MTMR7: variants seen among roughly 807,000 people sequenced by gnomAD.
MTMR7 encodes phosphatidylinositol-3-phosphate phosphatase MTMR7.
A neutral mutation model predicts 81.2 loss-of-function variants in MTMR7; 76 were observed. That is an observed-to-expected ratio of 0.94 (90% CI 0.78 to 1.13). The LOEUF (loss-of-function observed/expected upper bound fraction) is 1.13. Among genes scored for constraint, MTMR7 ranks in the 50% most tolerant of loss-of-function variants. MTMR7 has a pLI of 0.00. For synonymous variants in MTMR7, 372 were observed against 289.8 expected (o/e 1.28, Z -2.88); for missense variants, 1,044 against 820.0 (o/e 1.27, Z -3.34).
At chr8:17,364,019 T>TGA (rs1563359290) in intron 3 of MTMR7, among the ~76,000 whole-genome samples, 9 of 102,252 alleles carry the variant, frequency 8.8e-5, no homozygotes, top group Admixed American at 4.7e-4. Context: ...AGTGTTGCTA[T>TGA]TATTTTTTTT....
chr8:17,376,828 G>A (rs1260807806), intron 1 of MTMR7, among the ~76,000 whole-genome samples: 3 of 152,034 alleles, frequency 2.0e-5, no homozygotes, highest in Admixed American at 6.6e-5. Context: ...AAAATCAGAA[G>A]TGAAAGTTAT....
At chr8:17,343,028 C>G (rs1197098326) in intron 5 of MTMR7, among the ~76,000 whole-genome samples, 1 of 152,098 alleles carries the variant, frequency 6.6e-6, no homozygotes, top group African/African-American at 2.4e-5. Context: ...GTCCTGTTTC[C>G]TTTAATCTTT....
At chr8:17,364,721 T>C (rs1820172504) in intron 3 of MTMR7, among the ~76,000 whole-genome samples, 1 of 152,222 alleles carries the variant, frequency 6.6e-6, no homozygotes, top group African/African-American at 2.4e-5. Context: ...TCTAATTCCA[T>C]CCATGTTGTC....
intron 10 of MTMR7, among the ~76,000 whole-genome samples, chr8:17,308,618 C>T (rs777025643): frequency 1.3e-5 from 2 of 152,296 alleles, no homozygotes; most frequent in African/African-American, 2.4e-5. Context: ...CTAAGTACAG[C>T]TATACCATTT....
chr8:17,402,874 G>A (rs925103713), intron 1 of MTMR7, among the ~76,000 whole-genome samples: 1 of 152,164 alleles, frequency 6.6e-6, no homozygotes, highest in Non-Finnish European at 1.5e-5. Context: ...CAGTGCATGA[G>A]AGTTCCCTTT....
At chr8:17,334,976 C>A (rs1015351045) in intron 6 of MTMR7, among the ~76,000 whole-genome samples, 7 of 152,186 alleles carry the variant, frequency 4.6e-5, no homozygotes, top group African/African-American at 1.7e-4. Context: ...TCCTGTGTGG[C>A]AGCTACAGCA....
chr8:17,413,345 C>T lies in MTMR7; in HGVS notation c.-53G>A, dbSNP rs1275688158. The T allele has an allele frequency of 1.1e-5, 16 of 1,501,780 alleles. No homozygotes were observed. Among genetic ancestry groups the T allele is most frequent in the Middle Eastern group, 3.7e-4 (2 of 5,462 alleles). 93.0% of individuals were successfully genotyped at this position (1,501,780 alleles called of 1,614,324 possible). A position where few individuals can be genotyped will look rare whatever the true frequency, so the allele number is the denominator to read the frequency against. On this transcript the variant is annotated 5_prime_UTR_variant, in exon 1 of 14. Transcript: ENST00000180173. ...GCGGGCGCGGCCTCACGCACCTGCG[C>T]GCCTCTGCGGCGCGATGGGAGGGGC...
intron 6 of MTMR7, among the ~76,000 whole-genome samples, chr8:17,336,792 T>C (rs1001278961): frequency 6.6e-6 from 1 of 151,750 alleles, no homozygotes; most frequent in African/African-American, 2.4e-5. Flanking sequence ...TGCTGGGAGG[T>C]TCTCTGGCCT....
intron 1 of MTMR7, among the ~76,000 whole-genome samples, chr8:17,401,717 G>A (rs1437998906): frequency 6.6e-6 from 1 of 151,974 alleles, no homozygotes; most frequent in Non-Finnish European, 1.5e-5. Context: ...AGGAGTGAAG[G>A]GTAACTCCAA....
rs775440579 is a variant in MTMR7 at position 17,331,248 on chromosome 8, C to G, written c.767G>C (p.Gly256Ala). ...GGAATAATTGTCTTCATTCTCATAG[C>G]CTTTCCCTGCAGCACGATTTGCCAT... ...NAMANRAAGK[G>A]YENEDNYSNI... Residue 256 changes from glycine (G) to alanine (A), a missense_variant, in exon 7 of 14, where the codon GGC becomes GCC. Coordinates refer to ENST00000180173, the MANE Select transcript of MTMR7 (RefSeq NM_004686.5). 4.3e-6 allele frequency: 7 copies of G among 1,611,240 alleles called. No individual in the cohort carries two copies. Among genetic ancestry groups the G allele is most frequent in the Non-Finnish European group, 5.1e-6 (6 of 1,179,150 alleles).
chr8:17,321,650 A>T (rs1818394101), intron 7 of MTMR7, among the ~76,000 whole-genome samples: 1 of 152,232 alleles, frequency 6.6e-6, no homozygotes, highest in African/African-American at 2.4e-5. Context: ...TAAGGCAGAA[A>T]TACTTATTTG....
At chr8:17,352,366 G>A (rs1025076933) in intron 4 of MTMR7, among the ~76,000 whole-genome samples, 28 of 152,004 alleles carry the variant, frequency 1.8e-4, no homozygotes, top group African/African-American at 6.5e-4. Context: ...TCAACAGATG[G>A]TACTGGGAAA....
At chr8:17,309,201 C>A in intron 10 of MTMR7, 76 bp downstream of exon 10, 1 of 1,018,238 alleles carries the variant, frequency 9.8e-7, no homozygotes, top group Non-Finnish European at 1.5e-6. Flanking sequence ...ACGATTTTCC[C>A]CTAAATATTC....
intron 1 of MTMR7, among the ~76,000 whole-genome samples, chr8:17,395,563 A>G (rs1821222135): frequency 6.6e-6 from 1 of 152,186 alleles, no homozygotes; most frequent in South Asian, 2.1e-4. Context: ...CAATTTCTCC[A>G]CAACCTTTGC....
At chr8:17,375,368 C>T (rs1007491540) in intron 1 of MTMR7, among the ~76,000 whole-genome samples, 8 of 151,966 alleles carry the variant, frequency 5.3e-5, no homozygotes, top group Middle Eastern at 3.2e-3. Flanking sequence ...TTATAAATAT[C>T]TGTACTTATA....
At chr8:17,383,875 G>A (rs879829926) in intron 1 of MTMR7, among the ~76,000 whole-genome samples, 6 of 152,128 alleles carry the variant, frequency 3.9e-5, no homozygotes, top group Admixed American at 2.0e-4. Flanking sequence ...TGCAGCTTTG[G>A]AGGAACCATG....
At chr8:17,397,619 C>T (rs548098580) in intron 1 of MTMR7, among the ~76,000 whole-genome samples, 1 of 152,210 alleles carries the variant, frequency 6.6e-6, no homozygotes, top group African/African-American at 2.4e-5. Context: ...GACAACATCT[C>T]TGGACCTGCC....
intron 1 of MTMR7, among the ~76,000 whole-genome samples, chr8:17,412,508 A>G (rs541161094): frequency 6.6e-6 from 1 of 152,344 alleles, no homozygotes; most frequent in African/African-American, 2.4e-5. Context: ...TTAGATTATC[A>G]GTACAACTGA....
intron 4 of MTMR7, 113 bp from the exon 5 acceptor site, chr8:17,349,194 CA>C: frequency 7.7e-7 from 1 of 1,304,540 alleles, no homozygotes; most frequent in Non-Finnish European, 1.1e-6. Flanking sequence ...TTCCCTTAAC[CA>C]TGTTACAGAG....
Sources: gnomAD v4.1 joint callset for allele counts (sites outside exome capture counted in the v4.1 genomes callset) on GRCh38, gnomAD v4.1.1 for gene constraint, MANE v1.5 for transcripts, NCBI Gene and HGNC (gene_info 2026-07-23, HGNC 2026-07-21) for gene names.